Variants in COL6A3 observed in about 807,000 individuals in gnomAD.
The protein encoded by COL6A3 is collagen alpha-3(VI) chain.
In COL6A3, 137 loss-of-function variants were observed where a neutral mutation model predicts 274.1. That is an observed-to-expected ratio of 0.50 (90% CI 0.44 to 0.58). COL6A3 has a LOEUF of 0.58. Among genes scored for constraint, COL6A3 ranks in the 20% least tolerant of loss-of-function variants. COL6A3 has a pLI of 0.00. For missense variants in COL6A3, 3,950 were observed against 4,124.9 expected, an observed-to-expected ratio of 0.96 and a Z score of 1.16; for synonymous variants, 1,650 against 1,650.6, an observed-to-expected ratio of 1.00 and a Z score of 0.01.
intron 1 of COL6A3, among the ~76,000 whole-genome samples, chr2:237,399,839 G>T (rs1467565158): frequency 6.6e-6 from 1 of 152,198 alleles, no homozygotes; most frequent in East Asian, 1.9e-4. Flanking sequence ...TCCATTAACT[G>T]TAAGTGGGAC....
Position 237,334,695 on chromosome 2 carries a change from A to G in COL6A3, c.9160T>C (p.Tyr3054His), listed in dbSNP as rs1700440365. ...AGGTAGCAGACCACAGCCACATGGTATGTCTGCCCAGCGAGCAGGCCTCCA... is the reference window on the plus strand; with the variant it reads ...AGGTAGCAGACCACAGCCACATGGTGTGTCTGCCCAGCGAGCAGGCCTCCA... ...VIGGLLAGQT[Y>H]HVAVVCYLRS... Residue 3054 changes from tyrosine (Y) to histidine (H), a missense_variant, in exon 41 of 44, where the codon TAC becomes CAC. By Grantham distance (83) the Tyr-to-His change is moderately conservative (BLOSUM62 2). Coordinates refer to ENST00000295550, the MANE Select transcript of COL6A3 (RefSeq NM_004369.4). 1 of 1,613,902 alleles carries G rather than the reference A, an allele frequency of 6.2e-7. No homozygotes were observed. The highest frequency in any genetic ancestry group is 8.5e-7 in the Non-Finnish European group (1 of 1,180,020).
Position 237,344,705 on chromosome 2 carries a change from T to C in COL6A3, c.7313A>G (p.Asn2438Ser), listed in dbSNP as rs757800132. ...AGCCACCCGGGCCCCCCGTGGGCAG[T>C]TGCTCTCAGCAATGGTCAGGTCATT... ...IVNDLTIAES[N>S]CPRGARVAVV... The change falls in exon 36 of 44, where the codon AAC becomes AGC. Residue 2438 changes from asparagine to serine, a missense_variant. This residue lies in a region of COL6A3 where 1,284 missense variants were observed against 1,349.7 expected (regional missense o/e 0.95). Coordinates refer to ENST00000295550, the MANE Select transcript of COL6A3 (RefSeq NM_004369.4). The surrounding 1 kb of genome is among the most constrained non-coding windows in gnomAD (Gnocchi z 4.8). 1.2e-6 allele frequency: 2 copies of C among 1,608,472 alleles called. No individual in the cohort carries two copies. Among genetic ancestry groups the C allele is most frequent in the Non-Finnish European group, 1.7e-6 (2 of 1,176,958 alleles).
chr2:237,366,450 TA>T (rs113893910), intron 11 of COL6A3, among the ~76,000 whole-genome samples: 3 of 152,178 alleles, frequency 2.0e-5, no homozygotes, highest in African/African-American at 4.8e-5. Flanking sequence ...GATTAAGGAA[TA>T]GGGGAGAAAA....
At chr2:237,357,986 C>T (rs1330563527) in intron 21 of COL6A3, 104 bp from the exon 22 acceptor site, 2 of 1,094,238 alleles carry the variant, frequency 1.8e-6, no homozygotes, top group African/African-American at 3.1e-5. Context: ...GCATGCAAGG[C>T]TTCGAGGGAC....
chr2:237,333,619 G>C, intron 41 of COL6A3, 71 bp from the exon 42 acceptor site: 1 of 1,326,438 alleles, frequency 7.5e-7, no homozygotes, highest in Non-Finnish European at 1.1e-6. Context: ...CTTAGTGACT[G>C]ATATAAGGTT....
Position 237,357,870 on chromosome 2 carries a change from G to T in COL6A3, c.6484C>A (p.Gln2162Lys), listed in dbSNP as rs1208807462. The change falls in exon 22 of 44, where the codon CAA becomes AAA. Residue 2162 changes from glutamine to lysine, a missense_variant. Transcript: ENST00000295550. ...GIRGDPGNPG[Q>K]DSQERGPKGE... ...TTGGGTCCTCTCTCCTGGCTGTCTT[G>T]TCCTGGGTTACCCTGAAAGCAACAT... is the stretch of plus-strand genomic sequence containing the variant. The T allele has an allele frequency of 1.9e-6, 3 of 1,614,128 alleles. No individual in the cohort carries two copies. The highest frequency in any genetic ancestry group is 4.5e-5 in the East Asian group (2 of 44,884).
chr2:237,368,864 C>A lies in COL6A3; in HGVS notation c.4599G>T (p.Gly1533=). 6.2e-7 allele frequency: 1 copy of A among 1,614,214 alleles called. No individual in the cohort carries two copies. Among genetic ancestry groups the A allele is most frequent in the Non-Finnish European group, 8.5e-7 (1 of 1,180,034 alleles). Residue 1533 remains glycine (G), a synonymous_variant, in exon 10 of 44, where the codon GGG becomes GGT. Transcript: ENST00000295550. This position sits in a 1 kb window ranked among gnomAD's most constrained non-coding sequence, Gnocchi z 4.4. The part of the protein sequence containing the change: ...VARNLFVKSA[G]SRIEDGVPQH... ...GGGGCACCCCGTCTTCTATGCGACT[C>A]CCCGCAGACTTAACAAAGAGGTTTC...
At chr2:237,334,270 C>A (rs577636434) in intron 41 of COL6A3, among the ~76,000 whole-genome samples, 9 of 152,300 alleles carry the variant, frequency 5.9e-5, no homozygotes, top group Admixed American at 5.9e-4. Flanking sequence ...ACATGGAAAC[C>A]TGGACGGGGT....
rs2291795 is a variant in COL6A3, at chr2:237,344,422, C to T, written c.7596G>A (p.Lys2532=). The T allele has an allele frequency of 0.12, 196,732 of 1,614,090 alleles. 12,659 individuals are homozygous for T. The highest frequency in any genetic ancestry group is 0.18 in the South Asian group (16,210 of 91,078). Reference sequence around the variant, plus strand: ...AGGGGGTGATCCCCGCATCTGAGAGCTTGAGCACAGCCTCTCTGAGCTGTG... The same window carrying T: ...AGGGGGTGATCCCCGCATCTGAGAGTTTGAGCACAGCCTCTCTGAGCTGTG... ...ASPQLREAVL[K]LSDAGITPLF... The change falls in exon 36 of 44, where the codon AAG becomes AAA. Residue 2532 remains lysine (K), a synonymous_variant. Transcript: ENST00000295550. This position sits in a 1 kb window ranked among gnomAD's most constrained non-coding sequence, Gnocchi z 4.8.
chr2:237,369,008 G>A lies in COL6A3; in HGVS notation c.4455C>T (p.Phe1485=), dbSNP rs575328362. ...VGVVQFSNDV[F]PEFYLKTYRS... Reference sequence around the variant, plus strand: ...TGTAGGTTTTCAGATAGAATTCTGGGAAGACATCATTGCTGAACTGCACGA... The same window carrying A: ...TGTAGGTTTTCAGATAGAATTCTGGAAAGACATCATTGCTGAACTGCACGA... Residue 1485 remains phenylalanine (F), a synonymous_variant, in exon 10 of 44, where the codon TTC becomes TTT. Coordinates refer to ENST00000295550, the MANE Select transcript of COL6A3 (RefSeq NM_004369.4). 1 of 1,614,220 alleles carries A rather than the reference G, an allele frequency of 6.2e-7. No individual in the cohort carries two copies. The highest frequency in any genetic ancestry group is 1.3e-5 in the African/African-American group (1 of 75,054).
At chr2:237,388,334 C>A (rs2078206085) in intron 3 of COL6A3, 150 bp from the exon 4 acceptor site, 1 of 1,038,106 alleles carries the variant, frequency 9.6e-7, no homozygotes, top group Non-Finnish European at 1.4e-6. Flanking sequence ...ATGTGAAATT[C>A]TCTTTCAGTT....
At position 237,352,583 on chromosome 2, in the gene COL6A3, C is replaced by A. The variant is rs764811525; in HGVS notation, c.6692G>T (p.Gly2231Val). 6.2e-7 allele frequency: 1 copy of A among 1,613,404 alleles called. No homozygotes were observed. The highest frequency in any genetic ancestry group is 8.5e-7 in the Non-Finnish European group (1 of 1,179,734). ...EGEQGTRGAQ[G>V]PAGPAGPPGL... ...TGGAGGACCAGCAGGACCAGCTGGG[C>A]CCTGAGGAAGGAAAAGACCATCGTG... The change falls in exon 26 of 44, where the codon GGC becomes GTC. Residue 2231 changes from glycine (G) to valine (V), a missense_variant and splice_region_variant. Gly to Val is a moderately radical substitution (Grantham distance 109). This residue lies in a region of COL6A3 where 1,284 missense variants were observed against 1,349.7 expected (regional missense o/e 0.95). Transcript: ENST00000295550.
rs1272024721 is a variant in COL6A3, at chr2:237,363,356, T to G, written c.5960A>C (p.Asn1987Thr). The G allele has an allele frequency of 6.2e-7, 1 of 1,614,170 alleles. No homozygotes were observed. The highest frequency in any genetic ancestry group is 1.7e-5 in the Admixed American group (1 of 60,018). The change falls in exon 14 of 44, where the codon AAC (asparagine) becomes ACC (threonine). Residue 1987 changes from asparagine (N) to threonine (T), a missense_variant. Coordinates refer to ENST00000295550, the MANE Select transcript of COL6A3 (RefSeq NM_004369.4). ...LILVGLERVV[N>T]LERLMHLEFG... The stretch of plus-strand genomic sequence containing the variant: ...CTCCAGATGCATTAGCCGCTCCAAG[T>G]TGACCACTCGTTCAAGGCCCACCAG...
chr2:237,331,857 A>G (rs1386568498), intron 42 of COL6A3, among the ~76,000 whole-genome samples: 1 of 151,448 alleles, frequency 6.6e-6, no homozygotes, highest in East Asian at 2.0e-4. Flanking sequence ...TCTGAGGGTT[A>G]TGCCCCAATT....
At chr2:237,369,803 T>C (rs1403100878) in intron 9 of COL6A3, among the ~76,000 whole-genome samples, 1 of 152,122 alleles carries the variant, frequency 6.6e-6, no homozygotes, top group African/African-American at 2.4e-5. Context: ...ATATGAAGTT[T>C]TTATTTTTCA....
intron 1 of COL6A3, among the ~76,000 whole-genome samples, chr2:237,412,926 G>C (rs541462604): frequency 6.6e-6 from 1 of 152,132 alleles, no homozygotes; most frequent in African/African-American, 2.4e-5. Flanking sequence ...GGTCTGCACC[G>C]GCCTCGAAAC....
chr2:237,387,373 A>G (rs1390065520), intron 4 of COL6A3, among the ~76,000 whole-genome samples: 13 of 152,302 alleles, frequency 8.5e-5, no homozygotes, highest in Middle Eastern at 3.4e-3. Flanking sequence ...CTCTCGTAAG[A>G]GCTTTCACTC....
Position 237,340,463 on chromosome 2 carries a change from G to A in COL6A3, c.8453C>T (p.Ser2818Phe). The change falls in exon 38 of 44, where the codon TCC (serine) becomes TTC (phenylalanine). Residue 2818 changes from serine (S) to phenylalanine (F), a missense_variant. Ser to Phe is a radical substitution (Grantham distance 155). Transcript: ENST00000295550. ...CACGCAGGACTTACTGCTGACGAAGGATGGCAACAGCCTCCCGAAGCGCAT... is the reference window on the plus strand; with the variant it reads ...CACGCAGGACTTACTGCTGACGAAGAATGGCAACAGCCTCCCGAAGCGCAT... ...PLMRFGRLLPSFVSSENAFYL... is the reference protein window; with the variant it reads ...PLMRFGRLLPFFVSSENAFYL... The A allele has an allele frequency of 2.5e-6, 4 of 1,612,868 alleles. No homozygotes were observed. The highest frequency in any genetic ancestry group is 1.7e-5 in the Admixed American group (1 of 60,026).
Position 237,371,168 on chromosome 2 carries a change from G to T in COL6A3, c.4285+564C>A, listed in dbSNP as rs150081890. Among the ~76,000 whole-genome samples, 500 of 152,266 alleles carry T rather than the reference G, an allele frequency of 3.3e-3. 1 individual carries two copies. Among genetic ancestry groups the T allele is most frequent in the Middle Eastern group, 0.017 (5 of 294 alleles). ...CCTGCCACTAGCTCAAGTCCCCCCA[G>T]TCCTTCCGGCCACCCTCCTATGGAG... On this transcript the variant is annotated intron_variant, in intron 9 of 43. Coordinates refer to ENST00000295550, the MANE Select transcript of COL6A3 (RefSeq NM_004369.4). This position sits in a 1 kb window ranked among gnomAD's most constrained non-coding sequence, Gnocchi z 4.3.
Sources: allele counts gnomAD v4.1 joint callset (sites outside exome capture counted in the v4.1 genomes callset), GRCh38; gene constraint gnomAD v4.1.1; regional missense constraint gnomAD v4.1.1; non-coding constraint Gnocchi (gnomAD v3.1); transcripts MANE v1.5; gene names NCBI Gene and HGNC (gene_info 2026-07-23, HGNC 2026-07-21).